SNX29: variants seen among roughly 807,000 people sequenced by gnomAD.
The protein encoded by SNX29 is sorting nexin 29.
In SNX29, 78 loss-of-function variants were observed where a neutral mutation model predicts 102.1. The ratio of observed to expected loss-of-function variants is 0.76; its 90% CI spans 0.64 to 0.92. SNX29 has a LOEUF of 0.92. SNX29 is among the 40% of genes least tolerant of loss of function. SNX29 has a pLI of 0.00. For missense variants in SNX29, 1,280 were observed against 1,061.7 expected (o/e 1.21, Z -2.86); for synonymous variants, 580 against 414.5 (o/e 1.40, Z -4.85).
chr16:12,211,010 T>G (rs570228298), intron 14 of SNX29, among the ~76,000 whole-genome samples: 6 of 152,240 alleles, frequency 3.9e-5, no homozygotes, highest in Admixed American at 1.3e-4. Flanking sequence ...AGCACAGCCT[T>G]TAGTGCAGAG....
chr16:12,338,460 G>T (rs1364883423), intron 15 of SNX29, among the ~76,000 whole-genome samples: 1 of 152,180 alleles, frequency 6.6e-6, no homozygotes, highest in East Asian at 1.9e-4. Context: ...CCCCTCTTAG[G>T]TTCTCACCGT....
chr16:12,202,255 C>G (rs905951), intron 14 of SNX29, among the ~76,000 whole-genome samples: 1 of 151,468 alleles, frequency 6.6e-6, no homozygotes, highest in Non-Finnish European at 1.5e-5. Flanking sequence ...CCTTTTTTTT[C>G]TCTCTCCAAG....
intron 13 of SNX29, among the ~76,000 whole-genome samples, chr16:12,188,964 C>T (rs746251557): frequency 4.5e-4 from 68 of 152,250 alleles, no homozygotes; most frequent in African/African-American, 7.5e-4. Flanking sequence ...GAGCAATAAT[C>T]GTTATGATTG....
intron 18 of SNX29, among the ~76,000 whole-genome samples, chr16:12,406,346 A>G (rs927531078): frequency 2.6e-5 from 4 of 152,230 alleles, no homozygotes; most frequent in African/African-American, 9.6e-5. Context: ...GAAGCTGTAA[A>G]AGAAATTTCC....
chr16:12,114,231 C>G (rs1333092997), intron 11 of SNX29, among the ~76,000 whole-genome samples: 1 of 152,212 alleles, frequency 6.6e-6, no homozygotes, highest in African/African-American at 2.4e-5. Flanking sequence ...TATCGTTCCC[C>G]TAACTCCAGC....
At chr16:12,268,172 C>T (rs188020505) in intron 14 of SNX29, among the ~76,000 whole-genome samples, 1 of 152,362 alleles carries the variant, frequency 6.6e-6, no homozygotes, top group Non-Finnish European at 1.5e-5. Flanking sequence ...ACTTTAACTT[C>T]CTCTAGCCCT....
At chr16:12,181,925 G>A (rs867044865) in intron 13 of SNX29, among the ~76,000 whole-genome samples, 1 of 149,326 alleles carries the variant, frequency 6.7e-6, no homozygotes, top group Non-Finnish European at 1.5e-5. Flanking sequence ...ACTCTGTCAC[G>A]CAGGCTGAAG....
intron 19 of SNX29, among the ~76,000 whole-genome samples, chr16:12,509,035 A>G (rs967071412): frequency 6.6e-6 from 1 of 151,986 alleles, no homozygotes; most frequent in Non-Finnish European, 1.5e-5. Context: ...TGGTGCTAAC[A>G]TTTTGTCTCC....
intron 1 of SNX29, among the ~76,000 whole-genome samples, chr16:11,983,235 ATTTTT>A (rs557542669): frequency 0.013 from 1,650 of 129,568 alleles, 28 homozygotes; most frequent in African/African-American, 0.046. Flanking sequence ...CTGGGTTACA[ATTTTT>A]TTTTTTTTTT....
chr16:12,407,078 G>A (rs1244880891), intron 18 of SNX29, among the ~76,000 whole-genome samples: 2 of 152,182 alleles, frequency 1.3e-5, no homozygotes, highest in Non-Finnish European at 2.9e-5. Context: ...CTCTCCTAGC[G>A]TGTGGGATGG....
At chr16:12,550,460 G>A (rs147462084) in intron 20 of SNX29, among the ~76,000 whole-genome samples, 33 of 151,798 alleles carry the variant, frequency 2.2e-4, no homozygotes, top group East Asian at 1.7e-3. Context: ...ACTTAAACCC[G>A]GGAGGTGGAG....
At chr16:12,089,414 G>C (rs775684273) in intron 11 of SNX29, among the ~76,000 whole-genome samples, 1 of 152,110 alleles carries the variant, frequency 6.6e-6, no homozygotes, top group African/African-American at 2.4e-5. Context: ...TAATATGATC[G>C]CCACACTGCT....
chr16:12,072,094 A>G (rs568948741), intron 10 of SNX29, among the ~76,000 whole-genome samples: 9 of 152,326 alleles, frequency 5.9e-5, no homozygotes, highest in African/African-American at 1.7e-4. Context: ...TTCTAGATAT[A>G]CAGTCACATC....
chr16:12,111,859 G>C (rs1215227453), intron 11 of SNX29, among the ~76,000 whole-genome samples: 1 of 152,180 alleles, frequency 6.6e-6, no homozygotes. Flanking sequence ...TGCTTCCCCA[G>C]ATCCGTGTCG....
At chr16:12,543,096 A>G (rs2077416794) in intron 20 of SNX29, among the ~76,000 whole-genome samples, 1 of 152,212 alleles carries the variant, frequency 6.6e-6, no homozygotes, top group African/African-American at 2.4e-5. Flanking sequence ...TCTGGTGGAA[A>G]GATGGATCCT....
intron 13 of SNX29, among the ~76,000 whole-genome samples, chr16:12,190,592 A>G (rs890925050): frequency 6.6e-6 from 1 of 152,108 alleles, no homozygotes; most frequent in African/African-American, 2.4e-5. Flanking sequence ...CAGATGGGAG[A>G]GTTGCAGACA....
chr16:12,160,458 T>C (rs1333050909), intron 13 of SNX29, among the ~76,000 whole-genome samples: 8 of 152,202 alleles, frequency 5.3e-5, no homozygotes, highest in Non-Finnish European at 7.3e-5. Context: ...GATTTAAAAA[T>C]AACTTGGTGT....
chr16:12,015,474 G>T (rs531759345), intron 3 of SNX29, among the ~76,000 whole-genome samples: 3 of 151,620 alleles, frequency 2.0e-5, no homozygotes, highest in African/African-American at 7.3e-5. Context: ...TCCTGACCTC[G>T]TGATCTGCCC....
intron 4 of SNX29, among the ~76,000 whole-genome samples, chr16:12,035,702 C>T (rs575685793): frequency 1.3e-5 from 2 of 152,066 alleles, no homozygotes; most frequent in Admixed American, 6.6e-5. Flanking sequence ...AGTGTGCCCT[C>T]ACATTCATCC....
Sources: allele counts gnomAD v4.1 joint callset (sites outside exome capture counted in the v4.1 genomes callset), GRCh38; gene constraint gnomAD v4.1.1; transcripts MANE v1.5; gene names NCBI Gene and HGNC (gene_info 2026-07-23, HGNC 2026-07-21).